Variants in MYO5A observed in about 807,000 individuals in gnomAD.
The protein encoded by MYO5A is myosin VA.
A neutral mutation model predicts 249.7 loss-of-function variants in MYO5A; 98 were observed. The ratio of observed to expected loss-of-function variants is 0.39; its 90% confidence interval spans 0.33 to 0.46. The LOEUF (loss-of-function observed/expected upper bound fraction) is 0.46, where lower values mean the gene tolerates loss of function less well. MYO5A is among the 20% of genes least tolerant of loss of function. MYO5A has a pLI of 0.98. For synonymous variants in MYO5A, 778 were observed against 810.6 expected (o/e 0.96, Z 0.68); for missense variants, 1,696 against 2,308.8 (o/e 0.73, Z 5.44).
intron 1 of MYO5A, among the ~76,000 whole-genome samples, chr15:52,465,732 T>A (rs1266118874): frequency 6.6e-6 from 1 of 152,166 alleles, no homozygotes; most frequent in East Asian, 1.9e-4. Flanking sequence ...AGATACATCT[T>A]GAGATTTTTT....
At chr15:52,510,170 A>G (rs200019752) in intron 1 of MYO5A, among the ~76,000 whole-genome samples, 1 of 151,020 alleles carries the variant, frequency 6.6e-6, no homozygotes, top group Non-Finnish European at 1.5e-5. Flanking sequence ...CAGCCCACAC[A>G]TTCTGAATAT....
chr15:52,464,580 G>A (rs996368263), intron 1 of MYO5A, among the ~76,000 whole-genome samples: 3 of 152,188 alleles, frequency 2.0e-5, no homozygotes, highest in Admixed American at 6.5e-5. Flanking sequence ...AACGAACACC[G>A]AAACCTAGAA....
chr15:52,422,839 C>T (rs1399934026), intron 4 of MYO5A, among the ~76,000 whole-genome samples: 1 of 152,158 alleles, frequency 6.6e-6, no homozygotes, highest in Non-Finnish European at 1.5e-5. Context: ...ACCTCTGACT[C>T]CTGAGTAGCT....
chr15:52,438,007 T>A, intron 1 of MYO5A: 1 of 982,934 alleles, frequency 1.0e-6, no homozygotes, highest in Non-Finnish European at 1.2e-6. Context: ...GAGAAATAGG[T>A]CAGAAACCAT....
At chr15:52,436,957 T>C (rs564545642) in intron 1 of MYO5A, among the ~76,000 whole-genome samples, 5 of 152,292 alleles carry the variant, frequency 3.3e-5, no homozygotes, top group South Asian at 2.1e-4. Context: ...ATGACAACAA[T>C]AGTCTTCTAG....
intron 20 of MYO5A, among the ~76,000 whole-genome samples, chr15:52,374,580 G>A (rs897606547): frequency 6.6e-5 from 10 of 152,222 alleles, no homozygotes; most frequent in African/African-American, 2.4e-4. Flanking sequence ...CTTATAAGAG[G>A]CAGATAGGAG....
chr15:52,370,538 A>C (rs2041050564), intron 21 of MYO5A, 121 bp from the exon 22 acceptor site: 1 of 1,051,618 alleles, frequency 9.5e-7, no homozygotes, highest in South Asian at 1.4e-5. Flanking sequence ...TATAGTATCC[A>C]ACCAAAATAC....
At chr15:52,319,868 G>A (rs1040195431) in intron 38 of MYO5A, among the ~76,000 whole-genome samples, 1 of 152,206 alleles carries the variant, frequency 6.6e-6, no homozygotes, top group African/African-American at 2.4e-5. Flanking sequence ...TAAACTTAAT[G>A]GTGTCTTTTC....
At chr15:52,349,566 T>C (rs1044524839) in intron 28 of MYO5A, among the ~76,000 whole-genome samples, 1 of 152,240 alleles carries the variant, frequency 6.6e-6, no homozygotes, top group Non-Finnish European at 1.5e-5. Flanking sequence ...AGCAGAACTA[T>C]GTGCTCTGTT....
intron 1 of MYO5A, among the ~76,000 whole-genome samples, chr15:52,459,186 A>C (rs939248665): frequency 1.2e-4 from 4 of 34,536 alleles, no homozygotes; most frequent in African/African-American, 1.5e-4. Flanking sequence ...GTATTTATTG[A>C]TCATTCTTGG....
At chr15:52,337,919 T>C in intron 32 of MYO5A, 35 bp from the exon 33 acceptor site, 1 of 1,418,030 alleles carries the variant, frequency 7.1e-7, no homozygotes, top group Non-Finnish European at 9.6e-7. Context: ...TTTGTTTTTG[T>C]CTGTGTGTTT....
intron 40 of MYO5A, 116 bp downstream of exon 40, chr15:52,316,932 G>T: frequency 8.6e-7 from 1 of 1,161,442 alleles, no homozygotes; most frequent in Non-Finnish European, 1.3e-6. Flanking sequence ...ATATCTTCTT[G>T]AACACAGATG....
chr15:52,440,540 T>C (rs1213350617), intron 1 of MYO5A, among the ~76,000 whole-genome samples: 1 of 152,192 alleles, frequency 6.6e-6, no homozygotes, highest in East Asian at 1.9e-4. Context: ...AGTGCTAGGA[T>C]TAAAGGCATG....
chr15:52,527,635 A>G (rs1595850176), intron 1 of MYO5A, among the ~76,000 whole-genome samples: 1 of 152,364 alleles, frequency 6.6e-6, no homozygotes, highest in East Asian at 1.9e-4. Context: ...AACTGCATTT[A>G]CTCATTAGGA....
chr15:52,355,098 C>T (rs1444241139), intron 25 of MYO5A, among the ~76,000 whole-genome samples: 2 of 152,082 alleles, frequency 1.3e-5, no homozygotes, highest in Non-Finnish European at 2.9e-5. Context: ...TGTACATTCC[C>T]ATATTTAAAT....
At position 52,321,489 on chromosome 15, in the gene MYO5A, T is replaced by A; in HGVS notation, c.4821A>T (p.Thr1607=). ...TGAGGCAGTGTTCATTCTGGCGAGA[T>A]GTGTTGTGCTTCATAAAGCCCTAGA... ...SGEEGFMKHN[T]SRQNEHCLTN... Residue 1607 remains threonine, a synonymous_variant, in exon 38 of 42, where the codon ACA becomes ACT. Coordinates refer to ENST00000399233, the MANE Select transcript of MYO5A (RefSeq NM_001382347.1). 1 of 1,614,200 alleles carries A rather than the reference T, an allele frequency of 6.2e-7. No individual in the cohort carries two copies. Among genetic ancestry groups the A allele is most frequent in the Non-Finnish European group, 8.5e-7 (1 of 1,180,026 alleles).
At chr15:52,416,415 G>T (rs2043489370) in intron 4 of MYO5A, 114 bp from the exon 5 acceptor site, 5 of 1,110,352 alleles carry the variant, frequency 4.5e-6, no homozygotes, top group East Asian at 2.6e-5. Flanking sequence ...TTTTTTGGTC[G>T]ATACTGGTGC....
chr15:52,481,634 G>C (rs558048472), intron 1 of MYO5A, among the ~76,000 whole-genome samples: 1 of 152,328 alleles, frequency 6.6e-6, no homozygotes, highest in East Asian at 1.9e-4. Flanking sequence ...ATGGATTTGG[G>C]CTAGAAGGAC....
At chr15:52,352,152 G>A (rs75234458) in intron 27 of MYO5A, among the ~76,000 whole-genome samples, 5,026 of 152,294 alleles carry the variant, frequency 0.033, 141 homozygotes, top group Non-Finnish European at 0.047. Context: ...CCATCCAGAA[G>A]GATATGCACA....
Sources: allele counts gnomAD v4.1 joint callset (sites outside exome capture counted in the v4.1 genomes callset), GRCh38; gene constraint gnomAD v4.1.1; transcripts MANE v1.5; gene names NCBI Gene and HGNC (gene_info 2026-07-23, HGNC 2026-07-21).